PLA2R1: variants seen among roughly 807,000 people sequenced by gnomAD.
The protein encoded by PLA2R1 is phospholipase A2 receptor 1, also known as secretory phospholipase A2 receptor.
PLA2R1 carries 158 observed loss-of-function variants against 195.9 expected under a neutral mutation model. That is an observed-to-expected ratio of 0.81 (90% CI 0.71 to 0.92). The LOEUF (loss-of-function observed/expected upper bound fraction) is 0.92. PLA2R1 is among the 40% of genes least tolerant of loss of function. PLA2R1 has a pLI of 0.00. For missense variants in PLA2R1, 1,626 were observed against 1,764.6 expected, an observed-to-expected ratio of 0.92 and a Z score of 1.41; for synonymous variants, 586 against 598.2, an observed-to-expected ratio of 0.98 and a Z score of 0.30.
chr2:160,035,198 C>T (rs1239216152), intron 3 of PLA2R1, among the ~76,000 whole-genome samples: 1 of 152,188 alleles, frequency 6.6e-6, no homozygotes, highest in East Asian at 1.9e-4. Flanking sequence ...TACTTCTGTA[C>T]TGGCAGACAC....
chr2:160,030,660 G>A (rs1047003042), intron 4 of PLA2R1, among the ~76,000 whole-genome samples: 19 of 152,098 alleles, frequency 1.2e-4, no homozygotes, highest in African/African-American at 3.4e-4. Context: ...TAAGAAACTC[G>A]AATTTAAATT....
the PLA2R1 span, among the ~76,000 whole-genome samples, chr2:159,926,473 C>T: frequency 6.6e-6 from 1 of 152,138 alleles, no homozygotes; most frequent in African/African-American, 2.4e-5. Context: ...ACTATGCTTG[C>T]TCCCAGAGTC....
intron 1 of PLA2R1, among the ~76,000 whole-genome samples, chr2:160,053,015 T>C (rs1020340021): frequency 2.0e-5 from 3 of 152,196 alleles, no homozygotes; most frequent in Admixed American, 1.3e-4. Context: ...CATAACAAAA[T>C]ACCACAAACT....
rs1260866492 is a variant in PLA2R1, at chr2:159,949,604, C to T, written c.3709+4G>A. ...ATTTTTGAGTTGAATAGAATTGAACCTACCAGGTGGCACATGACAAATGGC... is the reference window on the plus strand; with the variant it reads ...ATTTTTGAGTTGAATAGAATTGAACTTACCAGGTGGCACATGACAAATGGC... On this transcript the variant is annotated splice_donor_region_variant and intron_variant, in intron 25 of 29. Transcript: ENST00000283243. 5.0e-6 allele frequency: 8 copies of T among 1,609,824 alleles called. No homozygotes were observed. Among genetic ancestry groups the T allele is most frequent in the Non-Finnish European group, 6.8e-6 (8 of 1,176,402 alleles).
intron 14 of PLA2R1, among the ~76,000 whole-genome samples, chr2:159,978,253 G>T (rs1689708813): frequency 6.6e-6 from 1 of 152,170 alleles, no homozygotes; most frequent in South Asian, 2.1e-4. Context: ...CATTACGGGG[G>T]TATTAAAGAA....
intron 1 of PLA2R1, among the ~76,000 whole-genome samples, chr2:160,056,366 G>C (rs1223770884): frequency 6.6e-6 from 1 of 152,122 alleles, no homozygotes; most frequent in African/African-American, 2.4e-5. Context: ...CTCGACTTTA[G>C]CTTTGCTCTG....
Position 160,040,835 on chromosome 2 carries a change from C to T in PLA2R1, c.667+1190G>A, listed in dbSNP as rs146032305. Among the ~76,000 whole-genome samples the T allele has an allele frequency of 3.3e-5, 5 of 152,326 alleles. No homozygotes were observed. In the South Asian group the frequency reaches 8.3e-4, roughly 25 times the overall value. ...TAAATTGGGTTTGATGCTGCTGCTGCTATTGTTGCTGCTGCTTCTGGCTGC... is the reference window on the plus strand; with the variant it reads ...TAAATTGGGTTTGATGCTGCTGCTGTTATTGTTGCTGCTGCTTCTGGCTGC... On this transcript the variant is annotated intron_variant, in intron 3 of 29. Transcript: ENST00000283243.
At chr2:160,042,262 A>G in intron 2 of PLA2R1, 64 bp from the exon 3 acceptor site, 3 of 1,431,668 alleles carry the variant, frequency 2.1e-6, no homozygotes, top group Non-Finnish European at 2.9e-6. Context: ...GGAAACTGCT[A>G]TATATCGAAA....
chr2:159,965,613 G>A (rs1358544685), intron 20 of PLA2R1, among the ~76,000 whole-genome samples: 1 of 152,202 alleles, frequency 6.6e-6, no homozygotes, highest in Non-Finnish European at 1.5e-5. Flanking sequence ...TTCATGGACA[G>A]GTTTTTACAT....
intron 1 of PLA2R1, among the ~76,000 whole-genome samples, chr2:160,045,864 G>A (rs906818479): frequency 3.3e-5 from 5 of 152,150 alleles, no homozygotes; most frequent in East Asian, 1.9e-4. Context: ...GAGAGGTGAC[G>A]GACCACCATT....
At position 160,033,089 on chromosome 2, in the gene PLA2R1, G is replaced by A; in HGVS notation, c.711C>T (p.Leu237=). 6.2e-7 allele frequency: 1 copy of A among 1,613,318 alleles called. No homozygotes were observed. The highest frequency in any genetic ancestry group is 1.6e-4 in the Middle Eastern group (1 of 6,062). Residue 237 remains leucine, a synonymous_variant, in exon 4 of 30, where the codon CTC becomes CTT. Transcript: ENST00000283243. ...TGAACTGGTAGCAAATGTGTGAATT[G>A]AGGTCCTTCTCCCAAATAGTATCAC... ...VGCDTIWEKD[L]NSHICYQFNL...
chr2:159,957,780 A>G (rs1017865605), intron 20 of PLA2R1, among the ~76,000 whole-genome samples: 1 of 152,224 alleles, frequency 6.6e-6, no homozygotes. Context: ...TGGTAGGAAC[A>G]GATGGAGTTT....
Position 160,013,442 on chromosome 2 carries a change from G to T in PLA2R1, c.1552-67C>A. On this transcript the variant is annotated intron_variant, in intron 9 of 29. Transcript: ENST00000283243. ...TAGTTAAATACCAAGAGATATTTTTGCATACTCTTTTACCACCTACATAAC... is the reference window on the plus strand; with the variant it reads ...TAGTTAAATACCAAGAGATATTTTTTCATACTCTTTTACCACCTACATAAC... 5 of 904,918 alleles carry T rather than the reference G, an allele frequency of 5.5e-6. No individual in the cohort carries two copies. The East Asian group carries it at 7.6e-5, about 14-fold the overall frequency. The allele number at this position is 904,918 out of a possible 1,614,324, so 56.1% of individuals were successfully genotyped here.
chr2:159,968,737 A>T (rs1251703575), intron 19 of PLA2R1, among the ~76,000 whole-genome samples: 3 of 152,214 alleles, frequency 2.0e-5, no homozygotes, highest in African/African-American at 4.8e-5. Flanking sequence ...CCAATCTTCA[A>T]CCTAAATGTG....
At position 159,955,737 on chromosome 2, in the gene PLA2R1, A is replaced by G. The variant is rs1396858813; in HGVS notation, c.3114T>C (p.Pro1038=). 2 of 1,580,856 alleles carry G rather than the reference A, an allele frequency of 1.3e-6. No homozygotes were observed. Among genetic ancestry groups the G allele is most frequent in the Non-Finnish European group, 8.7e-7 (1 of 1,153,806 alleles). Residue 1038 remains proline (P), a synonymous_variant, in exon 22 of 30, where the codon CCT becomes CCC. Transcript: ENST00000283243. ...ATGGAGACCAGTTAGAATATACCACAGGCTTTCCATTTAGCCATGTTTCAT... is the reference window on the plus strand; with the variant it reads ...ATGGAGACCAGTTAGAATATACCACGGGCTTTCCATTTAGCCATGTTTCAT... ...DDYETWLNGK[P]VVYSNWSPFD...
chr2:160,049,753 G>A (rs1292847372), intron 1 of PLA2R1, among the ~76,000 whole-genome samples: 1 of 152,164 alleles, frequency 6.6e-6, no homozygotes, highest in African/African-American at 2.4e-5. Context: ...TTGAACCCAG[G>A]AGGTGGAGGC....
intron 10 of PLA2R1, among the ~76,000 whole-genome samples, chr2:160,011,669 C>A (rs114720191): frequency 6.6e-6 from 1 of 152,110 alleles, no homozygotes; most frequent in South Asian, 2.1e-4. Flanking sequence ...AACAAAAGAG[C>A]GTATAGCTTC....
At chr2:159,924,738 G>GT in the PLA2R1 span, among the ~76,000 whole-genome samples, 1 of 142,060 alleles carries the variant, frequency 7.0e-6, no homozygotes, top group East Asian at 2.2e-4. Flanking sequence ...CTGGGGGGGG[G>GT]GCGGTGCGAA....
At position 160,016,627 on chromosome 2, in the gene PLA2R1, G is replaced by A; in HGVS notation, c.1538C>T (p.Ser513Leu). ...AACAGCACTTACCTCTTGACATCCT[G>A]ATTCAGCATCAGAGAGGACATGGCC... ...KAGHVLSDAE[S>L]GCQEGWERHG... Residue 513 changes from serine (S) to leucine (L), a missense_variant, in exon 9 of 30, where the codon TCA becomes TTA. By Grantham distance (145) the Ser-to-Leu change is moderately radical (BLOSUM62 -2). Coordinates refer to ENST00000283243, the MANE Select transcript of PLA2R1 (RefSeq NM_007366.5). The A allele has an allele frequency of 1.3e-6, 2 of 1,584,452 alleles. No individual in the cohort carries two copies. Among genetic ancestry groups the A allele is most frequent in the African/African-American group, 1.3e-5 (1 of 74,480 alleles).
Sources: allele counts gnomAD v4.1 joint callset (sites outside exome capture counted in the v4.1 genomes callset), GRCh38; gene constraint gnomAD v4.1.1; transcripts MANE v1.5; gene names NCBI Gene and HGNC (gene_info 2026-07-23, HGNC 2026-07-21).